FAXC: variants seen among roughly 807,000 people sequenced by gnomAD.
FAXC encodes failed axon connections homolog, metaxin like GST domain containing, also known as failed axon connections homolog.
In FAXC, 10 loss-of-function variants were observed where a neutral mutation model predicts 41.9. The ratio of observed to expected loss-of-function variants is 0.24; its 90% CI spans 0.15 to 0.41. FAXC has a LOEUF of 0.41. Among genes scored for constraint, FAXC ranks in the 10% least tolerant of loss-of-function variants. FAXC has a pLI of 1.00. For synonymous variants in FAXC, 183 were observed against 183.8 expected, an observed-to-expected ratio of 1.00 and a Z score of 0.03; for missense variants, 399 against 510.9, an observed-to-expected ratio of 0.78 and a Z score of 2.11.
chr6:99,306,173 A>G (rs1048675580), intron 4 of FAXC, among the ~76,000 whole-genome samples: 6 of 152,132 alleles, frequency 3.9e-5, no homozygotes, highest in African/African-American at 1.4e-4. Context: ...GCAGGGGAAG[A>G]GTTAAGGCAC....
chr6:99,345,739 G>A (rs11963108), intron 1 of FAXC, among the ~76,000 whole-genome samples: 57,265 of 151,966 alleles, frequency 0.38, 11,723 homozygotes, highest in African/African-American at 0.54. Context: ...GGCTGAGCCC[G>A]TGTGTCAAAA....
intron 2 of FAXC, among the ~76,000 whole-genome samples, chr6:99,340,168 C>T (rs1773370045): frequency 6.6e-6 from 1 of 152,056 alleles, no homozygotes; most frequent in South Asian, 2.1e-4. Context: ...GGCGTGATCT[C>T]GGCTCACCAC....
Position 99,349,144 on chromosome 6 carries a change from C to A in FAXC, c.229G>T (p.Ala77Ser). 2 of 1,613,668 alleles carry A rather than the reference C, an allele frequency of 1.2e-6. No individual in the cohort carries two copies. Among genetic ancestry groups the A allele is most frequent in the Non-Finnish European group, 8.5e-7 (1 of 1,179,972 alleles). Residue 77 changes from alanine (A) to serine (S), a missense_variant, in exon 1 of 6, where the codon GCA becomes TCA. Ala to Ser is a moderately conservative substitution (Grantham distance 99). Around this residue, in one of 3 missense-constraint regions of FAXC, gnomAD observed 239 missense variants for 352.7 expected, o/e 0.68. Coordinates refer to ENST00000389677, the MANE Select transcript of FAXC (RefSeq NM_032511.4). ...AGTTCGTGGAGCAGATACGCAGCTG[C>A]GGCCAGCAAAGCTCCCCCGGTCAAG... Reference protein sequence around the residue: ...LYLTGGALLAAAAYLLHELLV... With the variant: ...LYLTGGALLASAAYLLHELLV...
In FAXC at chr6:99,349,363, C is replaced by T. The variant is rs1416574926; in HGVS notation, c.10G>A (p.Gly4Arg). The T allele has an allele frequency of 6.2e-7, 1 of 1,610,890 alleles. No homozygotes were observed. The highest frequency in any genetic ancestry group is 8.5e-7 in the Non-Finnish European group (1 of 1,179,148). The change falls in exon 1 of 6, where the codon GGG becomes AGG. Residue 4 changes from glycine (G) to arginine (R), a missense_variant. Transcript: ENST00000389677. The part of the protein sequence containing the change: MHW[G>R]VGFASSRPCV... ...GGCCTGGACGAAGCAAAGCCAACCC[C>T]CCAGTGCATGCTGCGCGGCTGGCTC...
chr6:99,288,853 C>T (rs1562151243), intron 5 of FAXC, among the ~76,000 whole-genome samples: 2 of 130,208 alleles, frequency 1.5e-5, no homozygotes, highest in African/African-American at 2.8e-5. Flanking sequence ...AATCGACACA[C>T]ACACATACAC....
At chr6:99,328,806 C>G (rs1048980768) in intron 3 of FAXC, among the ~76,000 whole-genome samples, 3 of 152,204 alleles carry the variant, frequency 2.0e-5, no homozygotes, top group African/African-American at 7.2e-5. Flanking sequence ...ATGTCTGCCT[C>G]CAGCCTTTGA....
At position 99,273,046 on chromosome 6, in the gene FAXC, G is replaced by A. The variant is rs1202581438; in HGVS notation, c.*8118C>T. 1 of 152,118 alleles carries A rather than the reference G, an allele frequency of 6.6e-6. No individual in the cohort carries two copies. The highest frequency in any genetic ancestry group is 2.4e-5 in the African/African-American group (1 of 41,414). 9.4% of individuals were successfully genotyped at this position (152,118 alleles called of 1,614,324 possible). On this transcript the variant is annotated 3_prime_UTR_variant, in exon 6 of 6. Coordinates refer to ENST00000389677, the MANE Select transcript of FAXC (RefSeq NM_032511.4). The stretch of plus-strand genomic sequence containing the variant: ...ATTCAAATCTATCTTACAATCAAGT[G>A]TACAAGTTTAAATATGGCTTTATAA...
intron 4 of FAXC, among the ~76,000 whole-genome samples, chr6:99,310,355 A>G (rs1250611300): frequency 6.6e-6 from 1 of 152,146 alleles, no homozygotes; most frequent in Non-Finnish European, 1.5e-5. Context: ...TCCCTGCCCT[A>G]TATTGGGTTA....
intron 4 of FAXC, among the ~76,000 whole-genome samples, chr6:99,298,725 A>C (rs1364130653): frequency 6.6e-6 from 1 of 152,248 alleles, no homozygotes; most frequent in Non-Finnish European, 1.5e-5. Flanking sequence ...GTCCTTTCTC[A>C]AAATGGAGAG....
intron 4 of FAXC, among the ~76,000 whole-genome samples, chr6:99,306,913 C>A (rs1771943242): frequency 6.6e-6 from 1 of 152,166 alleles, no homozygotes; most frequent in Non-Finnish European, 1.5e-5. Context: ...CCGGGGATCA[C>A]CTGAAACTAC....
At chr6:99,289,060 TC>T (rs1197313770) in intron 5 of FAXC, among the ~76,000 whole-genome samples, 2 of 152,132 alleles carry the variant, frequency 1.3e-5, no homozygotes, top group African/African-American at 4.8e-5. Context: ...CAGCTATCCA[TC>T]CGACATTTAT....
intron 2 of FAXC, 73 bp downstream of exon 2, chr6:99,342,825 T>C (rs1044969109): frequency 1.4e-6 from 2 of 1,439,136 alleles, no homozygotes; most frequent in Admixed American, 4.5e-5. Flanking sequence ...AGACGAAATA[T>C]TCCCCCCTTT....
chr6:99,308,036 C>T (rs1168521326), intron 4 of FAXC, among the ~76,000 whole-genome samples: 2 of 152,184 alleles, frequency 1.3e-5, no homozygotes, highest in Non-Finnish European at 2.9e-5. Flanking sequence ...GTGGCTTACA[C>T]CTGTAATCCT....
intron 4 of FAXC, among the ~76,000 whole-genome samples, chr6:99,321,947 G>A (rs185261427): frequency 5.3e-5 from 8 of 152,326 alleles, no homozygotes; most frequent in East Asian, 1.9e-4. Context: ...AGCATGAGCC[G>A]GTGAGGAAGG....
intron 4 of FAXC, among the ~76,000 whole-genome samples, chr6:99,306,261 C>T (rs1771916877): frequency 6.6e-6 from 1 of 152,018 alleles, no homozygotes; most frequent in South Asian, 2.1e-4. Flanking sequence ...CAGGCAAGGG[C>T]CGGGGTCTAT....
At chr6:99,301,609 T>C (rs748889313) in intron 4 of FAXC, among the ~76,000 whole-genome samples, 1 of 152,238 alleles carries the variant, frequency 6.6e-6, no homozygotes, top group Non-Finnish European at 1.5e-5. Flanking sequence ...TGCCAAGCTC[T>C]GTAATCTTGG....
intron 4 of FAXC, among the ~76,000 whole-genome samples, chr6:99,322,089 A>G (rs1772612867): frequency 6.6e-6 from 1 of 152,232 alleles, no homozygotes; most frequent in Non-Finnish European, 1.5e-5. Flanking sequence ...TTCCATTCAC[A>G]TCTACATCAA....
intron 5 of FAXC, among the ~76,000 whole-genome samples, chr6:99,286,594 T>C (rs1366580146): frequency 2.0e-5 from 3 of 152,210 alleles, no homozygotes; most frequent in Non-Finnish European, 2.9e-5. Context: ...ATTCAGAAAA[T>C]AGCATTAAGG....
chr6:99,303,187 A>G (rs1178160240), intron 4 of FAXC, among the ~76,000 whole-genome samples: 1 of 152,174 alleles, frequency 6.6e-6, no homozygotes, highest in African/African-American at 2.4e-5. Context: ...ATATGCCCTG[A>G]TGGTCTCATC....
Sources: allele counts gnomAD v4.1 joint callset (sites outside exome capture counted in the v4.1 genomes callset), GRCh38; gene constraint gnomAD v4.1.1; regional missense constraint gnomAD v4.1.1; transcripts MANE v1.5; gene names NCBI Gene and HGNC (gene_info 2026-07-23, HGNC 2026-07-21).